FLRT2: variants seen among roughly 807,000 people sequenced by gnomAD.
FLRT2 encodes leucine-rich repeat transmembrane protein FLRT2.
FLRT2 carries 15 observed loss-of-function variants against 40.0 expected under a neutral mutation model. The observed-to-expected ratio is 0.38, with a 90% CI of 0.25 to 0.58. The LOEUF (loss-of-function observed/expected upper bound fraction) is 0.58, where lower values mean the gene tolerates loss of function less well. FLRT2 is among the 20% of genes least tolerant of loss of function. FLRT2 has a pLI of 0.71. For synonymous variants in FLRT2, 380 were observed against 336.8 expected (o/e 1.13, Z -1.41); for missense variants, 726 against 840.0 (o/e 0.86, Z 1.68).
In FLRT2 at chr14:85,641,321, T is replaced by C. The variant is rs1894143412; in HGVS notation, c.*17824T>C. 6.6e-6 allele frequency: 1 copy of C among 152,228 alleles called. No homozygotes were observed. Among genetic ancestry groups the C allele is most frequent in the South Asian group, 2.1e-4 (1 of 4,834 alleles). 9.4% of individuals were successfully genotyped at this position (152,228 alleles called of 1,614,324 possible). A position where few individuals can be genotyped will look rare whatever the true frequency, so the allele number is the denominator to read the frequency against. On this transcript the variant is annotated 3_prime_UTR_variant, in exon 2 of 2. Coordinates refer to ENST00000330753, the MANE Select transcript of FLRT2 (RefSeq NM_013231.6). ...CACATTTGCTGGACTCCATTATGTTTGGATTCTATGTATAAATTAGGTTCT... is the reference window on the plus strand; with the variant it reads ...CACATTTGCTGGACTCCATTATGTTCGGATTCTATGTATAAATTAGGTTCT...
chr14:85,606,951 T>C (rs933383548), intron 1 of FLRT2, among the ~76,000 whole-genome samples: 32 of 151,634 alleles, frequency 2.1e-4, no homozygotes, highest in African/African-American at 7.0e-4. Flanking sequence ...TTTTTTTTTT[T>C]CTAAAGATTG....
intron 1 of FLRT2, among the ~76,000 whole-genome samples, chr14:85,549,430 G>T (rs1207745768): frequency 6.6e-6 from 1 of 152,188 alleles, no homozygotes; most frequent in African/African-American, 2.4e-5. Flanking sequence ...CCCATGAGGG[G>T]TTGAGAGCTG....
rs150474109 is a variant in FLRT2, at chr14:85,544,897, C to A, written c.-377+14363C>A. ...CAATCCCTTCCTCCCCTTTTTTCAG[C>A]AAAACTTTTCAGTGGCTGAAAAGAG... On this transcript the variant is annotated intron_variant, in intron 1 of 1. Transcript: ENST00000330753. Among the ~76,000 whole-genome samples the A allele has an allele frequency of 4.9e-3, 752 of 152,206 alleles. 3 individuals carry two copies. The highest frequency in any genetic ancestry group is 8.5e-3 in the Non-Finnish European group (580 of 67,982).
At chr14:85,606,649 C>G (rs762214987) in intron 1 of FLRT2, among the ~76,000 whole-genome samples, 4 of 150,578 alleles carry the variant, frequency 2.7e-5, no homozygotes, top group Non-Finnish European at 5.9e-5. Flanking sequence ...CTCAGCCTGC[C>G]GAGTAGCTTG....
Position 85,608,344 on chromosome 14 carries a change from C to T in FLRT2, c.-376-12795C>T, listed in dbSNP as rs376600828. Reference sequence around the variant, plus strand: ...TCCCGGGTTCAAGCAATTCTTCTGCCTCAGCCTTCCAAGCAGCTGGGATTG... The same window carrying T: ...TCCCGGGTTCAAGCAATTCTTCTGCTTCAGCCTTCCAAGCAGCTGGGATTG... On this transcript the variant is annotated intron_variant, in intron 1 of 1. Coordinates refer to ENST00000330753, the MANE Select transcript of FLRT2 (RefSeq NM_013231.6). Among the ~76,000 whole-genome samples, 137 of 152,114 alleles carry T rather than the reference C, an allele frequency of 9.0e-4. 2 individuals are homozygous for T. The South Asian group carries it at 0.012, about 14-fold the overall frequency.
rs1039878783 is a variant in FLRT2 at position 85,649,877 on chromosome 14, G to C, written c.*26380G>C. ...ACTTTCTCATATTCTGAAGAATGAA[G>C]CATTTCTGTCCTAGGTGATTATAAA... On this transcript the variant is annotated 3_prime_UTR_variant, in exon 2 of 2. Coordinates refer to ENST00000330753, the MANE Select transcript of FLRT2 (RefSeq NM_013231.6). 1 of 151,922 alleles carries C rather than the reference G, an allele frequency of 6.6e-6. No individual in the cohort carries two copies. The highest frequency in any genetic ancestry group is 2.1e-4 in the South Asian group (1 of 4,824). 9.4% of individuals were successfully genotyped at this position (151,922 alleles called of 1,614,324 possible).
chr14:85,561,720 G>A (rs1890333209), intron 1 of FLRT2, among the ~76,000 whole-genome samples: 1 of 152,174 alleles, frequency 6.6e-6, no homozygotes, highest in Non-Finnish European at 1.5e-5. Flanking sequence ...TGATAAAGTA[G>A]GAACGAGATA....
At chr14:85,573,671 A>C (rs564137997) in intron 1 of FLRT2, among the ~76,000 whole-genome samples, 1 of 152,320 alleles carries the variant, frequency 6.6e-6, no homozygotes, top group East Asian at 1.9e-4. Context: ...TTCTGACATC[A>C]GGTGTCAGGG....
At chr14:85,611,515 G>C (rs373224346) in intron 1 of FLRT2, among the ~76,000 whole-genome samples, 1 of 152,174 alleles carries the variant, frequency 6.6e-6, no homozygotes, top group African/African-American at 2.4e-5. Context: ...ATGTGAAGTT[G>C]TTGCCCACTC....
At chr14:85,616,646 C>T (rs996910456) in intron 1 of FLRT2, among the ~76,000 whole-genome samples, 2 of 152,190 alleles carry the variant, frequency 1.3e-5, no homozygotes, top group Non-Finnish European at 2.9e-5. Context: ...TTTCACAGAG[C>T]CATCCTTTGC....
At chr14:85,602,607 T>G (rs934221839) in intron 1 of FLRT2, among the ~76,000 whole-genome samples, 3 of 152,194 alleles carry the variant, frequency 2.0e-5, no homozygotes, top group African/African-American at 7.2e-5. Flanking sequence ...TGGCAAATGT[T>G]CCAATTATGA....
chr14:85,593,642 TCTA>T (rs1444362444), intron 1 of FLRT2, among the ~76,000 whole-genome samples: 1 of 152,236 alleles, frequency 6.6e-6, no homozygotes, highest in Non-Finnish European at 1.5e-5. Flanking sequence ...TTGCCAACCT[TCTA>T]CTGTTTCTTT....
At position 85,612,512 on chromosome 14, in the gene FLRT2, G is replaced by A. The variant is rs892153754; in HGVS notation, c.-376-8627G>A. Among the ~76,000 whole-genome samples, 11 of 152,086 alleles carry A rather than the reference G, an allele frequency of 7.2e-5. No individual in the cohort carries two copies. In the South Asian group the frequency reaches 1.0e-3, roughly 14 times the overall value. On this transcript the variant is annotated intron_variant, in intron 1 of 1. Coordinates refer to ENST00000330753, the MANE Select transcript of FLRT2 (RefSeq NM_013231.6). ...TTTATTTAAAGCTTTAGAATGACTCGATTTGATCTTAACCCATTTCTAGTC... is the reference window on the plus strand; with the variant it reads ...TTTATTTAAAGCTTTAGAATGACTCAATTTGATCTTAACCCATTTCTAGTC...
chr14:85,577,093 A>C (rs950229010), intron 1 of FLRT2, among the ~76,000 whole-genome samples: 1 of 152,146 alleles, frequency 6.6e-6, no homozygotes, highest in African/African-American at 2.4e-5. Flanking sequence ...TTTGTAATGC[A>C]TTACCACTTG....
intron 1 of FLRT2, chr14:85,531,143 G>A (rs961682485): frequency 6.6e-6 from 1 of 152,390 alleles, no homozygotes; most frequent in African/African-American, 2.4e-5. Flanking sequence ...CGGGCACTGA[G>A]CTGGGGCCAT....
chr14:85,552,100 C>T lies in FLRT2; in HGVS notation c.-377+21566C>T, dbSNP rs372466226. On this transcript the variant is annotated intron_variant, in intron 1 of 1. Transcript: ENST00000330753. Reference sequence around the variant, plus strand: ...ATTAAATTCTAGGTTTTATGTTGCCCCTAAAAAAATCTGTGACTTCTGTCA... The same window carrying T: ...ATTAAATTCTAGGTTTTATGTTGCCTCTAAAAAAATCTGTGACTTCTGTCA... 5.3e-5 allele frequency among the ~76,000 whole-genome samples: 8 copies of T among 152,080 alleles called. No individual in the cohort carries two copies. In the South Asian group the frequency reaches 1.0e-3, roughly 20 times the overall value.
intron 1 of FLRT2, among the ~76,000 whole-genome samples, chr14:85,537,064 C>A (rs985685057): frequency 6.6e-6 from 1 of 152,138 alleles, no homozygotes; most frequent in African/African-American, 2.4e-5. Context: ...GTGTATATGT[C>A]TTTAAATTCT....
chr14:85,581,977 T>C (rs546824692), intron 1 of FLRT2, among the ~76,000 whole-genome samples: 1 of 152,350 alleles, frequency 6.6e-6, no homozygotes, highest in East Asian at 1.9e-4. Context: ...GACAGCTGTG[T>C]CTGTAAACAT....
At chr14:85,579,913 C>T (rs1210269370) in intron 1 of FLRT2, among the ~76,000 whole-genome samples, 1 of 138,704 alleles carries the variant, frequency 7.2e-6, no homozygotes, top group Non-Finnish European at 1.5e-5. Flanking sequence ...ATTCCATGCA[C>T]AGGGTATTAG....
Sources: gnomAD v4.1 joint callset for allele counts (sites outside exome capture counted in the v4.1 genomes callset) on GRCh38, gnomAD v4.1.1 for gene constraint, MANE v1.5 for transcripts, NCBI Gene and HGNC (gene_info 2026-07-23, HGNC 2026-07-21) for gene names.